Variants in DHX8 observed in about 807,000 individuals in gnomAD.
DHX8 encodes the protein DEAH-box helicase 8, also known as ATP-dependent RNA helicase DHX8.
A neutral mutation model predicts 140.7 loss-of-function variants in DHX8; 67 were observed. The ratio of observed to expected loss-of-function variants is 0.48; its 90% CI spans 0.39 to 0.58. The LOEUF is 0.58. Among genes scored for constraint, DHX8 ranks in the 20% least tolerant of loss-of-function variants. The pLI, the probability that DHX8 is intolerant of heterozygous loss-of-function variation, is 0.00. For missense variants in DHX8, 887 were observed against 1,550.7 expected, an observed-to-expected ratio of 0.57 and a Z score of 7.19; for synonymous variants, 533 against 553.2, an observed-to-expected ratio of 0.96 and a Z score of 0.51.
At chr17:43,492,147 T>A (rs1162380992) in intron 4 of DHX8, 36 bp from the exon 5 acceptor site, 2 of 1,528,272 alleles carry the variant, frequency 1.3e-6, no homozygotes, top group East Asian at 2.3e-5. Context: ...CTTGAGTAGT[T>A]TTTTTTCCTA....
intron 11 of DHX8, among the ~76,000 whole-genome samples, chr17:43,500,364 G>A (rs1969115214): frequency 6.6e-6 from 1 of 152,012 alleles, no homozygotes; most frequent in Non-Finnish European, 1.5e-5. Flanking sequence ...GCACACACCT[G>A]TAATCCCAGC....
At chr17:43,491,108 A>C (rs1201352963) in intron 3 of DHX8, 57 bp from the exon 4 acceptor site, 1 of 719,738 alleles carries the variant, frequency 1.4e-6, no homozygotes, top group African/African-American at 1.8e-5. Context: ...TTAATCATTA[A>C]TAATATTAAA....
intron 3 of DHX8, among the ~76,000 whole-genome samples, chr17:43,543,699 A>C (rs376989925): frequency 2.0e-5 from 3 of 152,330 alleles, no homozygotes; most frequent in Admixed American, 6.5e-5. Context: ...GGAGCTGGGC[A>C]TGCAGGACTT....
chr17:43,484,918 C>T lies in DHX8; in HGVS notation c.148+733C>T, dbSNP rs533531487. On this transcript the variant is annotated intron_variant, in intron 1 of 22. Coordinates refer to ENST00000262415, the MANE Select transcript of DHX8 (RefSeq NM_004941.3). ...TCGGCCTCCCAAAGTGTTGGGATTACAGGCGTGAGCCATTGCGTCCTGTAC... is the reference window on the plus strand; with the variant it reads ...TCGGCCTCCCAAAGTGTTGGGATTATAGGCGTGAGCCATTGCGTCCTGTAC... Among the ~76,000 whole-genome samples the T allele has an allele frequency of 1.0e-3, 152 of 152,338 alleles. 2 individuals are homozygous for T. The Middle Eastern group carries it at 0.014, about 14-fold the overall frequency.
At chr17:43,533,388 G>T (rs1359921778) in intron 2 of DHX8, 5 of 1,579,594 alleles carry the variant, frequency 3.2e-6, no homozygotes. Flanking sequence ...GGGCAGAGAA[G>T]CTGGAAAGCA....
chr17:43,497,575 G>A (rs143564134), intron 9 of DHX8, among the ~76,000 whole-genome samples: 72 of 152,148 alleles, frequency 4.7e-4, no homozygotes, highest in African/African-American at 1.7e-3. Flanking sequence ...TGGCAACATA[G>A]CTAGGCCCTG....
downstream of DHX8, chr17:43,526,181 C>A: frequency 1.0e-6 from 1 of 985,412 alleles, no homozygotes; most frequent in Non-Finnish European, 1.2e-6. Flanking sequence ...CTGCTGCTCT[C>A]ACACAATGGA....
intron 1 of DHX8, among the ~76,000 whole-genome samples, chr17:43,488,803 T>C (rs1968331917): frequency 6.6e-6 from 1 of 152,154 alleles, no homozygotes; most frequent in African/African-American, 2.4e-5. Flanking sequence ...CAGTCTAGTC[T>C]AGGTGGCAGC....
Position 43,524,172 on chromosome 17 carries a change from T to C in DHX8, c.*325T>C. 2.5e-6 allele frequency: 3 copies of C among 1,207,458 alleles called. No homozygotes were observed. The South Asian group carries it at 5.2e-5, about 21-fold the overall frequency. The allele number at this position is 1,207,458 out of a possible 1,614,324, so 74.8% of individuals were successfully genotyped here. On this transcript the variant is annotated 3_prime_UTR_variant, in exon 23 of 23. Coordinates refer to ENST00000262415, the MANE Select transcript of DHX8 (RefSeq NM_004941.3). ...GGGAAGGTGGAGTGGGTGAGCATCT[T>C]GTGCAGGGACATGGTGAGTGCCCTG...
At chr17:43,487,117 A>G (rs2154586259) in intron 1 of DHX8, among the ~76,000 whole-genome samples, 1 of 152,340 alleles carries the variant, frequency 6.6e-6, no homozygotes, top group East Asian at 1.9e-4. Flanking sequence ...AAAACATGAC[A>G]ATAATAGCAC....
At position 43,523,656 on chromosome 17, in the gene DHX8, A is replaced by G; in HGVS notation, c.3472A>G (p.Thr1158Ala). Residue 1158 changes from threonine (T) to alanine (A), a missense_variant, in exon 23 of 23, where the codon ACC becomes GCC. Thr to Ala is a moderately conservative substitution (Grantham distance 58). Around this residue, in one of 9 missense-constraint regions of DHX8, gnomAD observed 101 missense variants for 168.2 expected, o/e 0.60. Transcript: ENST00000262415. ...GGTGTACCATGAGCTGGTGCTCACC[A>G]CCAAGGAATACATGCGTGAAGTTAC... ...WVVYHELVLT[T>A]KEYMREVTTI... 6.2e-7 allele frequency: 1 copy of G among 1,614,150 alleles called. No individual in the cohort carries two copies.
At chr17:43,534,030 A>G in intron 2 of DHX8, 1 of 1,463,128 alleles carries the variant, frequency 6.8e-7, no homozygotes, top group African/African-American at 1.5e-5. Context: ...CCTGTCACAC[A>G]AGAGGCAGGC....
At chr17:43,487,138 G>A (rs1042530294) in intron 1 of DHX8, among the ~76,000 whole-genome samples, 2 of 152,190 alleles carry the variant, frequency 1.3e-5, no homozygotes, top group Non-Finnish European at 2.9e-5. Flanking sequence ...CTACTTATGA[G>A]GGTTGTTTTG....
chr17:43,543,296 T>TCTCTCTCTCTCTCTCTCA (rs888736657), intron 3 of DHX8, among the ~76,000 whole-genome samples: 2,618 of 143,336 alleles, frequency 0.018, 38 homozygotes, highest in Non-Finnish European at 0.027. Context: ...TCTCTCTCTC[T>TCTCTCTCTCTCTCTCTCA]CACACACACA....
chr17:43,520,071 C>T, intron 18 of DHX8, 59 bp from the exon 19 acceptor site: 1 of 1,591,552 alleles, frequency 6.3e-7, no homozygotes, highest in South Asian at 1.1e-5. Flanking sequence ...AGCTTCCCCA[C>T]ATGCTGACAC....
downstream of DHX8, chr17:43,530,092 G>A (rs770324500): frequency 1.2e-6 from 2 of 1,604,348 alleles, no homozygotes; most frequent in Non-Finnish European, 1.7e-6. Flanking sequence ...GGCAGGGGAA[G>A]GGGGGCTGCC....
downstream of DHX8, among the ~76,000 whole-genome samples, chr17:43,530,609 CGTGTGTGTGT>C (rs58803566): frequency 2.4e-4 from 28 of 119,060 alleles, no homozygotes; most frequent in Admixed American, 1.3e-3. Flanking sequence ...TGCACGCGCG[CGTGTGTGTGT>C]GTGTGTGTGT....
chr17:43,520,645 T>C, intron 19 of DHX8, 106 bp from the exon 20 acceptor site: 3 of 1,359,964 alleles, frequency 2.2e-6, no homozygotes, highest in Non-Finnish European at 3.1e-6. Flanking sequence ...ATCATTATGC[T>C]TTGGGAAAAT....
intron 9 of DHX8, 83 bp from the exon 10 acceptor site, chr17:43,498,779 G>A: frequency 8.9e-7 from 1 of 1,121,730 alleles, no homozygotes; most frequent in Non-Finnish European, 1.3e-6. Flanking sequence ...AAGATTGTTG[G>A]TACCTATGGA....
Sources: gnomAD v4.1 joint callset for allele counts (sites outside exome capture counted in the v4.1 genomes callset) on GRCh38, gnomAD v4.1.1 for gene constraint, gnomAD v4.1.1 regional missense constraint, MANE v1.5 for transcripts, NCBI Gene and HGNC (gene_info 2026-07-23, HGNC 2026-07-21) for gene names.